CUL5: variants seen among roughly 807,000 people sequenced by gnomAD.
CUL5 encodes the protein cullin 5.
In CUL5, 26 loss-of-function variants were observed where a neutral mutation model predicts 108.8. The observed-to-expected ratio is 0.24, with a 90% confidence interval of 0.18 to 0.33. The LOEUF is 0.33. Among genes scored for constraint, CUL5 ranks in the 10% least tolerant of loss-of-function variants. The probability of loss-of-function intolerance (pLI) is 1.00; values close to 1 mark genes in which losing one functional copy is unlikely to be tolerated. For missense variants in CUL5, 524 were observed against 909.2 expected, an observed-to-expected ratio of 0.58 and a Z score of 5.45; for synonymous variants, 334 against 298.0, an observed-to-expected ratio of 1.12 and a Z score of -1.25.
chr11:108,066,313 C>T (rs998357189), intron 7 of CUL5, among the ~76,000 whole-genome samples: 2 of 152,024 alleles, frequency 1.3e-5, no homozygotes, highest in Non-Finnish European at 2.9e-5. Flanking sequence ...CACTGCACTC[C>T]AGCCTGGGCG....
At chr11:108,064,841 T>G (rs574911259) in intron 7 of CUL5, among the ~76,000 whole-genome samples, 1 of 152,274 alleles carries the variant, frequency 6.6e-6, no homozygotes, top group East Asian at 1.9e-4. Context: ...CTTTTGGTAT[T>G]AGGGCAATAC....
At chr11:108,054,565 C>G in intron 5 of CUL5, 82 bp from the exon 6 acceptor site, 1 of 942,320 alleles carries the variant, frequency 1.1e-6, no homozygotes, top group Non-Finnish European at 1.6e-6. Context: ...CATAATGACT[C>G]CTCAATATTT....
Position 108,009,260 on chromosome 11 carries a change from C to A in CUL5, c.-89C>A. 3 of 1,462,904 alleles carry A rather than the reference C, an allele frequency of 2.1e-6. No individual in the cohort carries two copies. The highest frequency in any genetic ancestry group is 2.9e-6 in the Non-Finnish European group (3 of 1,050,162). The allele number at this position is 1,462,904 out of a possible 1,614,324, so 90.6% of individuals were successfully genotyped here. A position where few individuals can be genotyped will look rare whatever the true frequency, so the allele number is the denominator to read the frequency against. ...CTGGTGCGGGCCGACGGGCCCTGGG[C>A]CCTGGTGGGAGCTCCGGCCTCCGGT... On this transcript the variant is annotated 5_prime_UTR_variant, in exon 1 of 19. Coordinates refer to ENST00000393094, the MANE Select transcript of CUL5 (RefSeq NM_003478.6).
chr11:108,072,586 T>G (rs908731444), intron 9 of CUL5, 124 bp downstream of exon 9: 1 of 708,058 alleles, frequency 1.4e-6, no homozygotes, highest in Non-Finnish European at 2.3e-6. Context: ...GGTTGGTTAG[T>G]GGGGTATAAA....
rs555612730 is a variant in CUL5 at position 108,018,495 on chromosome 11, C to T, written c.24+9123C>T. Among the ~76,000 whole-genome samples the T allele has an allele frequency of 2.0e-5, 3 of 151,366 alleles. No homozygotes were observed. The South Asian group carries it at 6.2e-4, about 31-fold the overall frequency. On this transcript the variant is annotated intron_variant, in intron 1 of 18. Coordinates refer to ENST00000393094, the MANE Select transcript of CUL5 (RefSeq NM_003478.6). ...CATCCTGGCCAACATGGTGAAACCC[C>T]ATCTCTACTAAAAAAAAAAAAATAC...
chr11:108,077,698 A>T (rs1863975608), intron 10 of CUL5, among the ~76,000 whole-genome samples: 1 of 152,074 alleles, frequency 6.6e-6, no homozygotes, highest in Admixed American at 6.6e-5. Context: ...TAATCCCAGC[A>T]CTTTGGGAGA....
chr11:108,056,180 T>C (rs139143673), intron 7 of CUL5, among the ~76,000 whole-genome samples: 7 of 152,316 alleles, frequency 4.6e-5, no homozygotes, highest in South Asian at 4.1e-4. Flanking sequence ...ATAAGGAAAG[T>C]TAGAATCTAG....
intron 8 of CUL5, 109 bp from the exon 9 acceptor site, chr11:108,072,223 T>C: frequency 1.2e-6 from 1 of 867,018 alleles, no homozygotes; most frequent in Non-Finnish European, 1.7e-6. Flanking sequence ...CTACTCCTAA[T>C]GGCATTGTAT....
At chr11:108,053,023 G>T (rs555311702) in intron 5 of CUL5, among the ~76,000 whole-genome samples, 12 of 152,188 alleles carry the variant, frequency 7.9e-5, no homozygotes, top group African/African-American at 2.6e-4. Flanking sequence ...TTAATTTCTT[G>T]GCAAGTCGTT....
rs569233359 is a variant in CUL5 at position 108,009,788 on chromosome 11, C to T, written c.24+416C>T. Reference sequence around the variant, plus strand: ...TGCTGCCTAACAGGTTTCAGTGACTCGACCCCCCACTTCTTCCATTTCTGT... The same window carrying T: ...TGCTGCCTAACAGGTTTCAGTGACTTGACCCCCCACTTCTTCCATTTCTGT... On this transcript the variant is annotated intron_variant, in intron 1 of 18. Transcript: ENST00000393094. 3.9e-4 allele frequency among the ~76,000 whole-genome samples: 60 copies of T among 152,278 alleles called. 1 individual carries two copies. In the South Asian group the frequency reaches 0.012, roughly 31 times the overall value.
chr11:108,051,229 A>G (rs1345489068), intron 4 of CUL5, among the ~76,000 whole-genome samples: 1 of 152,182 alleles, frequency 6.6e-6, no homozygotes, highest in Non-Finnish European at 1.5e-5. Context: ...AGTGAAAAAC[A>G]CTTCTGGCTG....
chr11:108,100,557 A>C (rs1447930878), intron 18 of CUL5, among the ~76,000 whole-genome samples: 3 of 152,024 alleles, frequency 2.0e-5, no homozygotes, highest in Non-Finnish European at 4.4e-5. Flanking sequence ...AAAAGCAAAC[A>C]AAAACAAACA....
Position 108,106,220 on chromosome 11 carries a change from G to A in CUL5, c.*1836G>A, listed in dbSNP as rs1002436231. The stretch of plus-strand genomic sequence containing the variant: ...TATGTTTAACAGATAATTCAGCATT[G>A]GCGTATTTGCTTGTCCCAATACAAG... On this transcript the variant is annotated 3_prime_UTR_variant, in exon 19 of 19. Coordinates refer to ENST00000393094, the MANE Select transcript of CUL5 (RefSeq NM_003478.6). 1 of 152,486 alleles carries A rather than the reference G, an allele frequency of 6.6e-6. No homozygotes were observed. The highest frequency in any genetic ancestry group is 1.5e-5 in the Non-Finnish European group (1 of 67,982). The allele number at this position is 152,486 out of a possible 1,614,324, so 9.4% of individuals were successfully genotyped here. A position where few individuals can be genotyped will look rare whatever the true frequency, so the allele number is the denominator to read the frequency against.
chr11:108,019,070 A>G (rs1483650367), intron 1 of CUL5, among the ~76,000 whole-genome samples: 1 of 152,060 alleles, frequency 6.6e-6, no homozygotes, highest in Non-Finnish European at 1.5e-5. Flanking sequence ...TTTACATTAT[A>G]GTAGGTATTG....
chr11:108,072,387 G>T lies in CUL5; in HGVS notation c.930G>T (p.Met310Ile), dbSNP rs1410845071. Residue 310 changes from methionine to isoleucine, a missense_variant, in exon 9 of 19, where the codon ATG becomes ATT. By Grantham distance (10) the Met-to-Ile change is conservative. Around this residue, in one of 8 missense-constraint regions of CUL5, gnomAD observed 170 missense variants for 305.1 expected, o/e 0.56. Coordinates refer to ENST00000393094, the MANE Select transcript of CUL5 (RefSeq NM_003478.6). Reference sequence around the variant, plus strand: ...AAGTTCCTAATGGTATAGAGCCAATGTTGAAAGACTTGGAGGAACATATCA... The same window carrying T: ...AAGTTCCTAATGGTATAGAGCCAATTTTGAAAGACTTGGAGGAACATATCA... Reference protein sequence around the residue: ...MDKVPNGIEPMLKDLEEHIIS... With the variant: ...MDKVPNGIEPILKDLEEHIIS... The T allele has an allele frequency of 1.9e-6, 3 of 1,612,054 alleles. No individual in the cohort carries two copies. In the Admixed American group the frequency reaches 5.0e-5, roughly 27 times the overall value.
chr11:108,068,016 C>A (rs1315207806), intron 7 of CUL5, among the ~76,000 whole-genome samples: 2 of 151,972 alleles, frequency 1.3e-5, no homozygotes, highest in Non-Finnish European at 2.9e-5. Context: ...GCAATCTCTG[C>A]CTCCCAGGTT....
intron 9 of CUL5, 71 bp downstream of exon 9, chr11:108,072,533 T>C (rs1863850968): frequency 1.5e-6 from 2 of 1,353,852 alleles, no homozygotes; most frequent in South Asian, 1.4e-5. Context: ...TTATTGAAAA[T>C]AGTGAGCGGT....
rs578258153 is a variant in CUL5, at chr11:108,053,827, C to T, written c.554-820C>T. On this transcript the variant is annotated intron_variant, in intron 5 of 18. Transcript: ENST00000393094. ...CTGAGTAGCTGGGACTGCAGGCATG[C>T]ACCACCACACCTGGCTAATTTGTTT... Among the ~76,000 whole-genome samples the T allele has an allele frequency of 1.1e-4, 17 of 152,010 alleles. No homozygotes were observed. The South Asian group carries it at 2.3e-3, about 21-fold the overall frequency.
intron 7 of CUL5, among the ~76,000 whole-genome samples, chr11:108,062,882 C>G (rs1052085886): frequency 1.3e-5 from 2 of 151,996 alleles, no homozygotes; most frequent in African/African-American, 2.4e-5. Context: ...GCTCTTGTTG[C>G]CCACCCAGGC....
Sources: allele counts gnomAD v4.1 joint callset (sites outside exome capture counted in the v4.1 genomes callset), GRCh38; gene constraint gnomAD v4.1.1; regional missense constraint gnomAD v4.1.1; transcripts MANE v1.5; gene names NCBI Gene and HGNC (gene_info 2026-07-23, HGNC 2026-07-21).